The following DGCR2 variants were observed in gnomAD, a reference collection of about 807,000 sequenced individuals.
The protein encoded by DGCR2 is DiGeorge syndrome critical region gene 2.
A neutral mutation model predicts 51.6 loss-of-function variants in DGCR2; 24 were observed. That is an observed-to-expected ratio of 0.47 (90% CI 0.34 to 0.65). The LOEUF (loss-of-function observed/expected upper bound fraction) is 0.65. Among genes scored for constraint, DGCR2 ranks in the 30% least tolerant of loss-of-function variants. DGCR2 has a pLI of 0.01. For synonymous variants in DGCR2, 340 were observed against 315.4 expected (o/e 1.08, Z -0.82); for missense variants, 765 against 772.1 (o/e 0.99, Z 0.11).
intron 1 of DGCR2, among the ~76,000 whole-genome samples, chr22:19,114,608 T>C (rs756873820): frequency 1.2e-4 from 18 of 152,274 alleles, no homozygotes; most frequent in Admixed American, 9.2e-4. Flanking sequence ...GAGAGACCTC[T>C]GCATCAGCAG....
chr22:19,115,155 A>C (rs904071764), intron 1 of DGCR2, among the ~76,000 whole-genome samples: 3 of 152,336 alleles, frequency 2.0e-5, no homozygotes, highest in Admixed American at 2.0e-4. Context: ...ACCAGAAACA[A>C]GCCCTGCACT....
At position 19,057,772 on chromosome 22, in the gene DGCR2, C is replaced by A. The variant is rs1158434969; in HGVS notation, c.626-610G>T. On this transcript the variant is annotated intron_variant, in intron 5 of 9. Coordinates refer to ENST00000263196, the MANE Select transcript of DGCR2 (RefSeq NM_005137.3). The surrounding 1 kb of genome is among the most constrained non-coding windows in gnomAD (Gnocchi z 5.1). ...CCACTCAGCTCCTGCCTAAGCCAGG[C>A]ACAAGGCAGTCAGAAACCGTGTACC... Among the ~76,000 whole-genome samples, 1 of 152,172 alleles carries A rather than the reference C, an allele frequency of 6.6e-6. No homozygotes were observed. The highest frequency in any genetic ancestry group is 2.4e-5 in the African/African-American group (1 of 41,440).
chr22:19,042,646 G>A (rs749049319), intron 7 of DGCR2, among the ~76,000 whole-genome samples: 1 of 152,206 alleles, frequency 6.6e-6, no homozygotes, highest in Non-Finnish European at 1.5e-5. Flanking sequence ...CAGGAAGCCA[G>A]GAGGAGGACC....
chr22:19,083,854 G>C (rs963073029), intron 2 of DGCR2, among the ~76,000 whole-genome samples: 5 of 150,038 alleles, frequency 3.3e-5, no homozygotes, highest in African/African-American at 9.8e-5. Flanking sequence ...GAGTGCCTGC[G>C]ATTGCAGGCG....
intron 2 of DGCR2, among the ~76,000 whole-genome samples, chr22:19,070,615 G>A (rs1207122574): frequency 6.6e-6 from 1 of 152,248 alleles, no homozygotes; most frequent in African/African-American, 2.4e-5. Context: ...CATGTTGACT[G>A]AGTGAAGTCA....
At chr22:19,091,215 C>T (rs1263915923) in intron 1 of DGCR2, among the ~76,000 whole-genome samples, 2 of 152,164 alleles carry the variant, frequency 1.3e-5, no homozygotes, top group Admixed American at 6.5e-5. Context: ...AAAAATTAGC[C>T]GGGTATTGGG....
chr22:19,086,920 CACT>C (rs1312707094), intron 2 of DGCR2, among the ~76,000 whole-genome samples: 1 of 152,170 alleles, frequency 6.6e-6, no homozygotes, highest in Non-Finnish European at 1.5e-5. Context: ...GTGTGGATAC[CACT>C]ATGTTCAGCG....
rs113193119 is a variant in DGCR2 at position 19,038,776 on chromosome 22, G to C, written c.*89C>G. On this transcript the variant is annotated 3_prime_UTR_variant, in exon 10 of 10. Coordinates refer to ENST00000263196, the MANE Select transcript of DGCR2 (RefSeq NM_005137.3). ...TGCGGCAGTGCGTGGCGTCCAGGCTGGGACAGGGGCCTTTCAAGTCTCCCC... is the reference window on the plus strand; with the variant it reads ...TGCGGCAGTGCGTGGCGTCCAGGCTCGGACAGGGGCCTTTCAAGTCTCCCC... The C allele has an allele frequency of 6.5e-7, 1 of 1,526,770 alleles. No homozygotes were observed. 94.6% of individuals were successfully genotyped at this position (1,526,770 alleles called of 1,614,324 possible).
chr22:19,080,378 T>C (rs1342497882), intron 2 of DGCR2, among the ~76,000 whole-genome samples: 1 of 152,248 alleles, frequency 6.6e-6, no homozygotes, highest in Non-Finnish European at 1.5e-5. Flanking sequence ...CAAAATACTA[T>C]TACTGCAACA....
At chr22:19,098,523 C>T (rs1420222967) in intron 1 of DGCR2, among the ~76,000 whole-genome samples, 1 of 152,148 alleles carries the variant, frequency 6.6e-6, no homozygotes, top group African/African-American at 2.4e-5. Context: ...AAACAGTGGC[C>T]AGTTGCAGGT....
chr22:19,103,132 A>C (rs2083222267), intron 1 of DGCR2, among the ~76,000 whole-genome samples: 1 of 152,240 alleles, frequency 6.6e-6, no homozygotes, highest in Non-Finnish European at 1.5e-5. Flanking sequence ...TAAGTGAAAG[A>C]AGCCAGACAC....
At chr22:19,068,387 G>T (rs538100388) in intron 2 of DGCR2, among the ~76,000 whole-genome samples, 162 bp from the exon 3 acceptor site, 1 of 152,234 alleles carries the variant, frequency 6.6e-6, no homozygotes. Context: ...AAACACTGCC[G>T]CTCGCATCAA....
At chr22:19,086,144 C>T (rs187841189) in intron 2 of DGCR2, among the ~76,000 whole-genome samples, 73 of 152,184 alleles carry the variant, frequency 4.8e-4, no homozygotes, top group African/African-American at 1.7e-3. Flanking sequence ...ATTTTTATGA[C>T]TTAATTTGCT....
chr22:19,121,745 TGA>T (rs988464228), intron 1 of DGCR2: 1 of 162,790 alleles, frequency 6.1e-6, no homozygotes, highest in Non-Finnish European at 1.3e-5. Context: ...TTTCCAGGAC[TGA>T]GAGGCTGGCA....
chr22:19,117,663 T>C (rs1485890317), intron 1 of DGCR2, among the ~76,000 whole-genome samples: 1 of 152,128 alleles, frequency 6.6e-6, no homozygotes. Flanking sequence ...TAAGGTAAAA[T>C]GCCAACAGTA....
At chr22:19,071,989 T>C (rs1228487488) in intron 2 of DGCR2, among the ~76,000 whole-genome samples, 6 of 152,248 alleles carry the variant, frequency 3.9e-5, no homozygotes, top group South Asian at 2.1e-4. Flanking sequence ...GGAGTGTTTA[T>C]TGCACTATGA....
At chr22:19,108,161 C>T (rs915615166) in intron 1 of DGCR2, among the ~76,000 whole-genome samples, 8 of 152,078 alleles carry the variant, frequency 5.3e-5, no homozygotes, top group Admixed American at 3.3e-4. Context: ...ACTTCGTAAC[C>T]TTGGGGTAGG....
rs1194792178 is a variant in DGCR2, at chr22:19,062,087, GAT to G, written c.625+1113_625+1114del. Among the ~76,000 whole-genome samples the G allele has an allele frequency of 3.9e-5, 6 of 152,300 alleles. No individual in the cohort carries two copies. The East Asian group carries it at 1.2e-3, about 29-fold the overall frequency. ...CAGTGTCAGGAGGACAAGCTACCAGGATAATTATGCTCTATGAGGCAAACTTT... is the reference window on the plus strand; with the variant it reads ...CAGTGTCAGGAGGACAAGCTACCAGGAATTATGCTCTATGAGGCAAACTTT... On this transcript the variant is annotated intron_variant, in intron 5 of 9. Coordinates refer to ENST00000263196, the MANE Select transcript of DGCR2 (RefSeq NM_005137.3).
At chr22:19,075,875 T>C (rs781486103) in intron 2 of DGCR2, among the ~76,000 whole-genome samples, 1 of 152,242 alleles carries the variant, frequency 6.6e-6, no homozygotes, top group Non-Finnish European at 1.5e-5. Context: ...CTATGAGTAA[T>C]GCTGCTATGA....
Sources: gnomAD v4.1 joint callset for allele counts (sites outside exome capture counted in the v4.1 genomes callset) on GRCh38, gnomAD v4.1.1 for gene constraint, Gnocchi (gnomAD v3.1) non-coding constraint, MANE v1.5 for transcripts, NCBI Gene and HGNC (gene_info 2026-07-23, HGNC 2026-07-21) for gene names.